Variants in LPAR3 observed in about 807,000 individuals in gnomAD.
The protein encoded by LPAR3 is LPA receptor 3.
In LPAR3, 7 loss-of-function variants were observed where a neutral mutation model predicts 17.8. The observed-to-expected ratio is 0.39, with a 90% confidence interval of 0.22 to 0.74. The LOEUF is 0.74. Among genes scored for constraint, LPAR3 ranks in the 30% least tolerant of loss-of-function variants. LPAR3 has a pLI of 0.40. For synonymous variants in LPAR3, 179 were observed against 179.9 expected (o/e 0.99, Z 0.04); for missense variants, 391 against 453.4 (o/e 0.86, Z 1.25).
At chr1:84,864,217 AAAAAAAACAAAAAAC>A in intron 2 of LPAR3, among the ~76,000 whole-genome samples, 1 of 150,630 alleles carries the variant, frequency 6.6e-6, no homozygotes. Context: ...GTCTCAAAAA[AAAAAAAACAAAAAAC>A]AAAAAAACAG....
At chr1:84,822,340 T>C (rs1277570958) in intron 2 of LPAR3, among the ~76,000 whole-genome samples, 1 of 152,096 alleles carries the variant, frequency 6.6e-6, no homozygotes, top group Non-Finnish European at 1.5e-5. Flanking sequence ...ATCAATAACG[T>C]GAGTTCAATG....
chr1:84,875,500 C>A (rs1660240007), intron 1 of LPAR3, among the ~76,000 whole-genome samples: 1 of 152,180 alleles, frequency 6.6e-6, no homozygotes, highest in South Asian at 2.1e-4. Context: ...ATGAGTTTGG[C>A]CAGATTTCCT....
chr1:84,814,368 G>C (rs1658892925), intron 2 of LPAR3, among the ~76,000 whole-genome samples, 197 bp from the exon 3 acceptor site: 1 of 152,168 alleles, frequency 6.6e-6, no homozygotes, highest in African/African-American at 2.4e-5. Context: ...GAACCTCCTT[G>C]ACTATCAATC....
chr1:84,843,065 G>A (rs550043321), intron 2 of LPAR3, among the ~76,000 whole-genome samples: 10 of 152,290 alleles, frequency 6.6e-5, no homozygotes, highest in African/African-American at 2.2e-4. Flanking sequence ...GTGAGCTTCC[G>A]CCTTGGTCTT....
intron 1 of LPAR3, among the ~76,000 whole-genome samples, chr1:84,888,032 A>G (rs1459641305): frequency 6.6e-6 from 1 of 151,372 alleles, no homozygotes; most frequent in Non-Finnish European, 1.5e-5. Context: ...AGGAGGACAG[A>G]GTGCTTGCTT....
At chr1:84,840,697 G>GA (rs34663477) in intron 2 of LPAR3, among the ~76,000 whole-genome samples, 1 of 151,938 alleles carries the variant, frequency 6.6e-6, no homozygotes, top group Non-Finnish European at 1.5e-5. Context: ...CATTGACATT[G>GA]AAAAAAAACT....
At chr1:84,880,049 G>A (rs1156603084) in intron 1 of LPAR3, among the ~76,000 whole-genome samples, 3 of 152,176 alleles carry the variant, frequency 2.0e-5, no homozygotes, top group South Asian at 2.1e-4. Context: ...ATCACAATGT[G>A]CTGGGTGTGG....
chr1:84,880,106 G>A (rs1660336566), intron 1 of LPAR3, among the ~76,000 whole-genome samples: 1 of 152,208 alleles, frequency 6.6e-6, no homozygotes, highest in East Asian at 1.9e-4. Context: ...AAGGTGGGAG[G>A]ATTGCCTGAG....
chr1:84,838,200 A>G (rs1001667817), intron 2 of LPAR3, among the ~76,000 whole-genome samples: 4 of 152,198 alleles, frequency 2.6e-5, no homozygotes, highest in Non-Finnish European at 5.9e-5. Flanking sequence ...GGTGAGGATC[A>G]CTGTTGCCAA....
chr1:84,873,758 G>GTTTT (rs5775802), intron 1 of LPAR3, among the ~76,000 whole-genome samples: 5 of 141,504 alleles, frequency 3.5e-5, no homozygotes, highest in African/African-American at 1.3e-4. Context: ...TTGCTTGTTT[G>GTTTT]TTTTTTTTTT....
chr1:84,859,327 G>A (rs919815625), intron 2 of LPAR3, among the ~76,000 whole-genome samples: 7 of 152,164 alleles, frequency 4.6e-5, no homozygotes, highest in Non-Finnish European at 8.8e-5. Context: ...AGAGACAAAA[G>A]AGGATGATTT....
chr1:84,861,781 T>C (rs1267527142), intron 2 of LPAR3, among the ~76,000 whole-genome samples: 1 of 152,212 alleles, frequency 6.6e-6, no homozygotes, highest in Non-Finnish European at 1.5e-5. Flanking sequence ...CAAACTGTCT[T>C]TCTTCCATTA....
chr1:84,815,859 C>T (rs934857524), intron 2 of LPAR3, among the ~76,000 whole-genome samples: 10 of 152,124 alleles, frequency 6.6e-5, no homozygotes, highest in African/African-American at 2.4e-4. Flanking sequence ...GGTTGAATTC[C>T]TTATTTCATA....
intron 1 of LPAR3, among the ~76,000 whole-genome samples, chr1:84,876,550 G>A (rs946404969): frequency 3.3e-5 from 5 of 152,156 alleles, no homozygotes; most frequent in African/African-American, 1.2e-4. Flanking sequence ...TTCAGGTTGA[G>A]AGGTGTTAAC....
At chr1:84,843,131 G>C (rs905177415) in intron 2 of LPAR3, among the ~76,000 whole-genome samples, 2 of 152,190 alleles carry the variant, frequency 1.3e-5, no homozygotes, top group Admixed American at 6.5e-5. Context: ...AGCCACAAGT[G>C]CAACGCCTGT....
At chr1:84,830,856 C>T (rs549234794) in intron 2 of LPAR3, among the ~76,000 whole-genome samples, 4 of 152,094 alleles carry the variant, frequency 2.6e-5, no homozygotes, top group Non-Finnish European at 4.4e-5. Context: ...ACCTTACCCC[C>T]GGGCAAATGC....
chr1:84,878,085 T>C (rs1308116552), intron 1 of LPAR3, among the ~76,000 whole-genome samples: 10 of 152,234 alleles, frequency 6.6e-5, no homozygotes, highest in Non-Finnish European at 1.2e-4. Flanking sequence ...TATTAAATAT[T>C]TGACTTAACC....
intron 2 of LPAR3, among the ~76,000 whole-genome samples, chr1:84,814,941 A>C (rs184405739): frequency 3.0e-4 from 46 of 152,192 alleles, no homozygotes; most frequent in African/African-American, 1.1e-3. Flanking sequence ...TACTTACCTT[A>C]TCTCTAAATT....
At chr1:84,885,474 C>G (rs1167814838) in intron 1 of LPAR3, among the ~76,000 whole-genome samples, 4 of 152,234 alleles carry the variant, frequency 2.6e-5, no homozygotes, top group Admixed American at 1.3e-4. Flanking sequence ...TTGGCAATAT[C>G]TAATGAGACT....
Sources: gnomAD v4.1 joint callset for allele counts (sites outside exome capture counted in the v4.1 genomes callset) on GRCh38, gnomAD v4.1.1 for gene constraint, MANE v1.5 for transcripts, NCBI Gene and HGNC (gene_info 2026-07-23, HGNC 2026-07-21) for gene names.